Variants in NKAIN3 observed in about 807,000 individuals in gnomAD.
The protein encoded by NKAIN3 is sodium/potassium transporting ATPase interacting 3.
In NKAIN3, 25 loss-of-function variants were observed where a neutral mutation model predicts 30.2. The observed-to-expected ratio is 0.83, with a 90% confidence interval of 0.60 to 1.16. The LOEUF is 1.16. Ranked by LOEUF, NKAIN3 falls within the 50% of genes most tolerant of loss-of-function variation. The pLI is 0.00. For synonymous variants in NKAIN3, 91 were observed against 89.6 expected, an observed-to-expected ratio of 1.02 and a Z score of -0.09; for missense variants, 225 against 254.1, an observed-to-expected ratio of 0.89 and a Z score of 0.78.
intron 1 of NKAIN3, among the ~76,000 whole-genome samples, chr8:62,507,011 G>C (rs1245446292): frequency 6.6e-6 from 1 of 152,112 alleles, no homozygotes; most frequent in Non-Finnish European, 1.5e-5. Context: ...GGAAGCTCTT[G>C]CATAAATGAC....
chr8:62,387,800 T>C (rs1817474113), intron 1 of NKAIN3, among the ~76,000 whole-genome samples: 1 of 152,168 alleles, frequency 6.6e-6, no homozygotes, highest in South Asian at 2.1e-4. Context: ...ATTCCATGAG[T>C]CTACAGTGAG....
At chr8:62,948,017 A>G (rs1823173221) in intron 5 of NKAIN3, among the ~76,000 whole-genome samples, 1 of 152,190 alleles carries the variant, frequency 6.6e-6, no homozygotes, top group African/African-American at 2.4e-5. Flanking sequence ...GCAATAGATA[A>G]CTAGAGCAAG....
At chr8:62,367,267 G>GA (rs1216817937) in intron 1 of NKAIN3, among the ~76,000 whole-genome samples, 3 of 151,838 alleles carry the variant, frequency 2.0e-5, no homozygotes, top group African/African-American at 7.3e-5. Flanking sequence ...GACAGTGTAA[G>GA]AAAAAAAAAA....
intron 4 of NKAIN3, among the ~76,000 whole-genome samples, chr8:62,751,112 C>T (rs920642701): frequency 1.1e-4 from 16 of 152,248 alleles, no homozygotes; most frequent in African/African-American, 3.6e-4. Flanking sequence ...TCGTGACCTG[C>T]GCCAGCCTAA....
chr8:62,911,723 T>A (rs1045609242), intron 4 of NKAIN3, among the ~76,000 whole-genome samples: 1 of 152,066 alleles, frequency 6.6e-6, no homozygotes, highest in Non-Finnish European at 1.5e-5. Flanking sequence ...ACTGAACTAT[T>A]TTTCAAGCTA....
intron 4 of NKAIN3, among the ~76,000 whole-genome samples, chr8:62,780,621 A>C (rs73256926): frequency 0.091 from 13,911 of 152,160 alleles, 661 homozygotes; most frequent in African/African-American, 0.1. Context: ...GGGATGAAGA[A>C]ATGGTTCAAA....
At chr8:62,665,366 TA>T (rs1167703819) in intron 3 of NKAIN3, among the ~76,000 whole-genome samples, 212 of 142,324 alleles carry the variant, frequency 1.5e-3, no homozygotes, top group East Asian at 4.3e-3. Flanking sequence ...AGATTTACCA[TA>T]AAAAAAAAAA....
intron 4 of NKAIN3, among the ~76,000 whole-genome samples, chr8:62,853,141 T>TA (rs1301094347): frequency 6.6e-6 from 1 of 152,206 alleles, no homozygotes; most frequent in Non-Finnish European, 1.5e-5. Context: ...GGTGCTCCTG[T>TA]ATTTGGTGCA....
intron 1 of NKAIN3, among the ~76,000 whole-genome samples, chr8:62,302,742 A>G (rs943863030): frequency 6.6e-6 from 1 of 152,054 alleles, no homozygotes; most frequent in Non-Finnish European, 1.5e-5. Context: ...AAAATGTTAC[A>G]GTTTATTTTC....
chr8:62,588,988 C>T (rs1234863766), intron 2 of NKAIN3, among the ~76,000 whole-genome samples: 1 of 151,738 alleles, frequency 6.6e-6, no homozygotes, highest in East Asian at 1.9e-4. Flanking sequence ...TCTAGGGCTA[C>T]CTTAATTAAG....
intron 4 of NKAIN3, among the ~76,000 whole-genome samples, chr8:62,753,848 G>T (rs943421975): frequency 6.6e-6 from 1 of 151,842 alleles, no homozygotes; most frequent in African/African-American, 2.4e-5. Context: ...CAGCAAATCT[G>T]GATATGTATA....
intron 3 of NKAIN3, among the ~76,000 whole-genome samples, chr8:62,694,120 A>G (rs538992644): frequency 6.6e-6 from 1 of 152,116 alleles, no homozygotes; most frequent in African/African-American, 2.4e-5. Flanking sequence ...TTTGAGATAC[A>G]CAATAAATTA....
intron 1 of NKAIN3, among the ~76,000 whole-genome samples, chr8:62,335,977 A>G (rs183784195): frequency 9.2e-5 from 14 of 152,218 alleles, no homozygotes; most frequent in African/African-American, 3.4e-4. Context: ...TAAAATTCAC[A>G]GAGACATATA....
At chr8:62,577,698 C>T (rs1810160702) in intron 1 of NKAIN3, among the ~76,000 whole-genome samples, 1 of 151,330 alleles carries the variant, frequency 6.6e-6, no homozygotes, top group Admixed American at 6.6e-5. Context: ...CAAGCAGAGA[C>T]AAGCAGGAGG....
At chr8:62,894,578 C>T (rs1300090585) in intron 4 of NKAIN3, among the ~76,000 whole-genome samples, 2 of 152,232 alleles carry the variant, frequency 1.3e-5, no homozygotes, top group South Asian at 2.1e-4. Context: ...AGCCTTTAAA[C>T]CAGGGCATAG....
intron 1 of NKAIN3, among the ~76,000 whole-genome samples, chr8:62,324,998 A>C (rs1382675305): frequency 6.6e-6 from 1 of 152,074 alleles, no homozygotes; most frequent in Non-Finnish European, 1.5e-5. Context: ...TTTTTATTTC[A>C]ATACTTTTTG....
chr8:62,270,442 A>T lies in NKAIN3; in HGVS notation c.54+21315A>T, dbSNP rs552634905. On this transcript the variant is annotated intron_variant, in intron 1 of 6. Coordinates refer to ENST00000623646, the MANE Select transcript of NKAIN3 (RefSeq NM_001304533.3). ...ATGTGTTTTTTTAATTAAATTTTAA[A>T]CTATAAATTTAAAAATTATAGTTGT... Among the ~76,000 whole-genome samples the T allele has an allele frequency of 5.3e-5, 8 of 152,194 alleles. No individual in the cohort carries two copies. The South Asian group carries it at 1.7e-3, about 32-fold the overall frequency.
At chr8:62,859,861 G>C (rs894682918) in intron 4 of NKAIN3, among the ~76,000 whole-genome samples, 50 of 152,162 alleles carry the variant, frequency 3.3e-4, no homozygotes, top group African/African-American at 1.2e-3. Context: ...CCATAAAGAA[G>C]ATATAGCCCA....
chr8:62,827,405 T>C (rs1819060970), intron 4 of NKAIN3, among the ~76,000 whole-genome samples: 1 of 152,250 alleles, frequency 6.6e-6, no homozygotes, highest in Admixed American at 6.5e-5. Flanking sequence ...CAGTGTTACC[T>C]TGATTTGCTC....
Sources: allele counts gnomAD v4.1 joint callset (sites outside exome capture counted in the v4.1 genomes callset), GRCh38; gene constraint gnomAD v4.1.1; transcripts MANE v1.5; gene names NCBI Gene and HGNC (gene_info 2026-07-23, HGNC 2026-07-21).